RNF115: variants seen among roughly 807,000 people sequenced by gnomAD.
The protein encoded by RNF115 is ring finger protein 115.
A neutral mutation model predicts 39.2 loss-of-function variants in RNF115; 31 were observed. The ratio of observed to expected loss-of-function variants is 0.79; its 90% confidence interval spans 0.59 to 1.07. The LOEUF (loss-of-function observed/expected upper bound fraction) is 1.07, where lower values mean the gene tolerates loss of function less well. RNF115 is among the 50% of genes least tolerant of loss of function. The pLI, the probability that RNF115 is intolerant of heterozygous loss-of-function variation, is 0.00. For missense variants in RNF115, 384 were observed against 381.7 expected, an observed-to-expected ratio of 1.01 and a Z score of -0.05; for synonymous variants, 124 against 131.0, an observed-to-expected ratio of 0.95 and a Z score of 0.37.
Position 145,772,045 on chromosome 1 carries a change from A to G in RNF115, c.220-126T>C, listed in dbSNP as rs1422153204. ...ACTGTATGTCTTCTTCTGCAGAGGT[A>G]CCAGAGTTTCTATATTTTTGGTCTG... On this transcript the variant is annotated intron_variant, in intron 3 of 8. Coordinates refer to ENST00000582693, the MANE Select transcript of RNF115 (RefSeq NM_014455.4). 6.7e-6 allele frequency: 5 copies of G among 750,086 alleles called. No homozygotes were observed. The Admixed American group carries it at 1.2e-4, about 17-fold the overall frequency. 46.5% of individuals were successfully genotyped at this position (750,086 alleles called of 1,614,324 possible). A position where few individuals can be genotyped will look rare whatever the true frequency, so the allele number is the denominator to read the frequency against.
At position 145,761,370 on chromosome 1, in the gene RNF115, G is replaced by A. The variant is rs587656958; in HGVS notation, c.429-8321C>T. 4.6e-5 allele frequency among the ~76,000 whole-genome samples: 7 copies of A among 152,316 alleles called. No individual in the cohort carries two copies. The South Asian group carries it at 1.4e-3, about 32-fold the overall frequency. ...CCATCACAGGCCCAGAGACCCAAGA[G>A]GAAAAAGTGGTTTTGTGGGCTGGGC... is the stretch of plus-strand genomic sequence containing the variant. On this transcript the variant is annotated intron_variant, in intron 4 of 8. Coordinates refer to ENST00000582693, the MANE Select transcript of RNF115 (RefSeq NM_014455.4).
intron 3 of RNF115, 55 bp from the exon 4 acceptor site, chr1:145,771,974 G>C: frequency 7.1e-7 from 1 of 1,413,676 alleles, no homozygotes; most frequent in Non-Finnish European, 9.9e-7. Context: ...ATAAACACCT[G>C]GATTGTTTAC....
chr1:145,800,074 G>C (rs1553720669), intron 1 of RNF115, among the ~76,000 whole-genome samples: 2 of 152,166 alleles, frequency 1.3e-5, no homozygotes, highest in African/African-American at 4.8e-5. Context: ...TGATGTGTTT[G>C]AAATTTTCCA....
At chr1:145,812,061 G>A (rs1649751163) in intron 1 of RNF115, among the ~76,000 whole-genome samples, 3 of 145,044 alleles carry the variant, frequency 2.1e-5, no homozygotes, top group Non-Finnish European at 4.6e-5. Flanking sequence ...CGGGCTAGAA[G>A]ATCAGCATCA....
intron 1 of RNF115, among the ~76,000 whole-genome samples, chr1:145,798,439 A>AGAGG (rs1649081999): frequency 6.6e-6 from 1 of 152,188 alleles, no homozygotes; most frequent in Non-Finnish European, 1.5e-5. Context: ...CTTGCTCCAC[A>AGAGG]GAGGGGTCCT....
At chr1:145,786,486 T>C (rs1013231924) in intron 2 of RNF115, among the ~76,000 whole-genome samples, 25 of 152,190 alleles carry the variant, frequency 1.6e-4, no homozygotes, top group Non-Finnish European at 2.6e-4. Flanking sequence ...TTTGAGTAAA[T>C]TGCTACCAAT....
At chr1:145,794,032 C>T (rs1648811947) in intron 1 of RNF115, among the ~76,000 whole-genome samples, 2 of 151,942 alleles carry the variant, frequency 1.3e-5, no homozygotes, top group Non-Finnish European at 2.9e-5. Context: ...CTAGTAGAGA[C>T]GGTGTTTCGC....
At chr1:145,785,932 C>T (rs1437156135) in intron 2 of RNF115, among the ~76,000 whole-genome samples, 3 of 152,176 alleles carry the variant, frequency 2.0e-5, no homozygotes, top group Non-Finnish European at 2.9e-5. Context: ...AATTGAACTA[C>T]CACATACCAT....
intron 1 of RNF115, among the ~76,000 whole-genome samples, chr1:145,804,028 A>C (rs1553721253): frequency 6.6e-6 from 1 of 152,232 alleles, no homozygotes; most frequent in Non-Finnish European, 1.5e-5. Context: ...TAAAATGATA[A>C]ATGAGCCAAA....
chr1:145,774,541 G>C (rs1490331723), intron 3 of RNF115, among the ~76,000 whole-genome samples: 1 of 151,960 alleles, frequency 6.6e-6, no homozygotes, highest in Non-Finnish European at 1.5e-5. Context: ...AGTAGAGATG[G>C]GGTTTCACCA....
chr1:145,780,612 T>G (rs1571745671), intron 3 of RNF115, among the ~76,000 whole-genome samples: 1 of 115,488 alleles, frequency 8.7e-6, no homozygotes, highest in Non-Finnish European at 1.7e-5. Context: ...AGAGTGAGAC[T>G]CCGTCTAAAA....
intron 3 of RNF115, among the ~76,000 whole-genome samples, chr1:145,777,508 AC>A (rs1235036708): frequency 6.6e-6 from 1 of 152,168 alleles, no homozygotes; most frequent in Non-Finnish European, 1.5e-5. Context: ...TGACCAAAGA[AC>A]ACAGGATGGA....
intron 5 of RNF115, among the ~76,000 whole-genome samples, chr1:145,752,022 G>GT (rs1186768203): frequency 7.9e-5 from 12 of 151,134 alleles, no homozygotes; most frequent in Admixed American, 3.3e-4. Flanking sequence ...TGGCAACACC[G>GT]TTTTTTTTTA....
intron 7 of RNF115, among the ~76,000 whole-genome samples, chr1:145,749,770 G>A (rs1553712191): frequency 1.3e-5 from 2 of 152,018 alleles, no homozygotes; most frequent in Non-Finnish European, 2.9e-5. Flanking sequence ...CACTTTACCT[G>A]ACTCACACAC....
Position 145,751,425 on chromosome 1 carries a change from G to A in RNF115, c.573+13C>T. The A allele has an allele frequency of 1.3e-6, 2 of 1,563,618 alleles. No individual in the cohort carries two copies. Among genetic ancestry groups the A allele is most frequent in the Non-Finnish European group, 1.7e-6 (2 of 1,151,520 alleles). On this transcript the variant is annotated intron_variant, in intron 6 of 8. Transcript: ENST00000582693. ...ACACACTGAACAGACACCCTCAAAA[G>A]GCAGCTCCTCACCTGGGTTACAATG...
chr1:145,819,242 G>C (rs141089503), intron 1 of RNF115, among the ~76,000 whole-genome samples: 9,288 of 130,612 alleles, frequency 0.071, no homozygotes, highest in East Asian at 0.22. Flanking sequence ...TCAAGACCAG[G>C]CTGGGCAACA....
At chr1:145,772,566 A>G (rs921230425) in intron 3 of RNF115, 10 of 152,130 alleles carry the variant, frequency 6.6e-5, no homozygotes, top group Non-Finnish European at 1.3e-4. Context: ...TCTAGCCTCC[A>G]TGGTTTCCGC....
At chr1:145,771,391 A>C (rs1291502949) in intron 4 of RNF115, among the ~76,000 whole-genome samples, 1 of 152,230 alleles carries the variant, frequency 6.6e-6, no homozygotes, top group Non-Finnish European at 1.5e-5. Flanking sequence ...CAGAAATATA[A>C]GAAATGAATC....
intron 1 of RNF115, among the ~76,000 whole-genome samples, chr1:145,809,183 ATTTTT>A (rs71077279): frequency 0.49 from 65,441 of 133,950 alleles, 15,366 homozygotes; most frequent in East Asian, 0.68. Context: ...GTTTTCAAGG[ATTTTT>A]TTTTTTTTTT....
Sources: allele counts gnomAD v4.1 joint callset (sites outside exome capture counted in the v4.1 genomes callset), GRCh38; gene constraint gnomAD v4.1.1; transcripts MANE v1.5; gene names NCBI Gene and HGNC (gene_info 2026-07-23, HGNC 2026-07-21).